Variants in TMEM94 observed in about 807,000 individuals in gnomAD.
The protein encoded by TMEM94 is ER Mg2+ ATPase.
TMEM94 carries 81 observed loss-of-function variants against 158.6 expected under a neutral mutation model. The observed-to-expected ratio is 0.51, with a 90% CI of 0.43 to 0.61. TMEM94 has a LOEUF of 0.61. Among genes scored for constraint, TMEM94 ranks in the 20% least tolerant of loss-of-function variants. The pLI is 0.00. For missense variants in TMEM94, 1,435 were observed against 1,762.0 expected (o/e 0.81, Z 3.32); for synonymous variants, 751 against 730.7 (o/e 1.03, Z -0.45).
chr17:75,495,508 C>T lies in TMEM94; in HGVS notation c.2845-36C>T, dbSNP rs1348204234. The T allele has an allele frequency of 8.1e-6, 13 of 1,601,374 alleles. No individual in the cohort carries two copies. The highest frequency in any genetic ancestry group is 1.1e-5 in the Non-Finnish European group (13 of 1,169,734). On this transcript the variant is annotated intron_variant, in intron 21 of 31. Transcript: ENST00000314256. The surrounding 1 kb of genome is among the most constrained non-coding windows in gnomAD (Gnocchi z 5.6). ...CGGTGGAGGGGAGGGATGCTGATCC[C>T]CATCCCGAAGCCGCTGGCATCTCTG...
At chr17:75,476,815 G>C in intron 2 of TMEM94, 1 of 1,530,434 alleles carries the variant, frequency 6.5e-7, no homozygotes, top group Non-Finnish European at 8.7e-7. Flanking sequence ...GGGAGTCTTC[G>C]GGTTAGCGGT....
intron 2 of TMEM94, among the ~76,000 whole-genome samples, chr17:75,474,433 G>C (rs2050601101): frequency 6.6e-6 from 1 of 152,158 alleles, no homozygotes; most frequent in South Asian, 2.1e-4. Flanking sequence ...CTAAGGTCAG[G>C]AGTTCAAGAA....
chr17:75,489,590 C>T lies in TMEM94; in HGVS notation c.882C>T (p.Ile294=), dbSNP rs182699508. ...AVPVVLAGFL[I]TNALRFIFSA... The stretch of plus-strand genomic sequence containing the variant: ...GTTCCCAACAGGCCGGCTTCCTCAT[C>T]ACCAATGCCCTGCGCTTCATCTTCA... Residue 294 remains isoleucine (I), a synonymous_variant, in exon 9 of 32, where the codon ATC becomes ATT. Coordinates refer to ENST00000314256, the MANE Select transcript of TMEM94 (RefSeq NM_014738.6). This position sits in a 1 kb window ranked among gnomAD's most constrained non-coding sequence, Gnocchi z 5.0. 4 of 1,614,064 alleles carry T rather than the reference C, an allele frequency of 2.5e-6. No homozygotes were observed. Among genetic ancestry groups the T allele is most frequent in the South Asian group, 1.1e-5 (1 of 91,082 alleles).
Position 75,485,135 on chromosome 17 carries a change from C to T in TMEM94, c.25-293C>T, listed in dbSNP as rs771764252. Among the ~76,000 whole-genome samples the T allele has an allele frequency of 1.3e-4, 19 of 151,850 alleles. No individual in the cohort carries two copies. The highest frequency in any genetic ancestry group is 9.2e-4 in the Admixed American group (14 of 15,248). On this transcript the variant is annotated intron_variant, in intron 2 of 31. Coordinates refer to ENST00000314256, the MANE Select transcript of TMEM94 (RefSeq NM_014738.6). The surrounding 1 kb of genome is among the most constrained non-coding windows in gnomAD (Gnocchi z 5.5). ...GCACAGCCTGGGTGGGCAGGGAGCT[C>T]GCCAGGGGCAGTGGGGAAAGTGAGT...
intron 1 of TMEM94, among the ~76,000 whole-genome samples, chr17:75,471,011 G>T (rs1244118512): frequency 2.0e-5 from 3 of 151,726 alleles, no homozygotes; most frequent in Non-Finnish European, 4.4e-5. Context: ...GGCTGAGGCG[G>T]GTGGATCACA....
rs756540959 is a variant in TMEM94 at position 75,498,223 on chromosome 17, A to T, written c.3538A>T (p.Ile1180Phe). The T allele has an allele frequency of 5.6e-6, 9 of 1,613,902 alleles. No individual in the cohort carries two copies. The highest frequency in any genetic ancestry group is 7.6e-6 in the Non-Finnish European group (9 of 1,180,006). The stretch of plus-strand genomic sequence containing the variant: ...CTTCCTGCTCAAGTTCAGCCTCACC[A>T]TCAGCTCCTGCCTCATCTGCTTTGG... Reference protein sequence around the residue: ...LCFLLKFSLTISSCLICFGFT... With the variant: ...LCFLLKFSLTFSSCLICFGFT... The change falls in exon 28 of 32, where the codon ATC becomes TTC. Residue 1180 changes from isoleucine to phenylalanine, a missense_variant. This residue lies in a region of TMEM94 where 335 missense variants were observed against 409.1 expected (regional missense o/e 0.82). Transcript: ENST00000314256. The surrounding 1 kb of genome is among the most constrained non-coding windows in gnomAD (Gnocchi z 6.7).
chr17:75,493,686 G>C lies in TMEM94; in HGVS notation c.2190-13G>C, dbSNP rs747952961. On this transcript the variant is annotated splice_polypyrimidine_tract_variant and intron_variant, in intron 17 of 31. Coordinates refer to ENST00000314256, the MANE Select transcript of TMEM94 (RefSeq NM_014738.6). ...AGGAACACTCACCTCACCTCCGCCT[G>C]CTTCCCTGGCAGAAAGAAAGTGCTG... The C allele has an allele frequency of 3.7e-6, 6 of 1,613,934 alleles. No individual in the cohort carries two copies. In the South Asian group the frequency reaches 6.6e-5, roughly 18 times the overall value.
At chr17:75,466,551 C>T (rs893124354) in intron 1 of TMEM94, among the ~76,000 whole-genome samples, 3 of 152,154 alleles carry the variant, frequency 2.0e-5, no homozygotes, top group Admixed American at 6.5e-5. Flanking sequence ...CATGGTGGCT[C>T]ATGCCTGTAA....
At chr17:75,469,776 C>A (rs1042499664) in intron 1 of TMEM94, among the ~76,000 whole-genome samples, 3 of 151,896 alleles carry the variant, frequency 2.0e-5, no homozygotes, top group African/African-American at 7.2e-5. Flanking sequence ...CATAGCAAGA[C>A]CCCATCTCTA....
chr17:75,490,142 A>G (rs993880173), intron 9 of TMEM94, 92 bp from the exon 10 acceptor site: 17 of 1,517,286 alleles, frequency 1.1e-5, no homozygotes, highest in Non-Finnish European at 1.4e-5. Flanking sequence ...CTTCCTGCCC[A>G]GGGAATGGCC....
Position 75,495,907 on chromosome 17 carries a change from C to A in TMEM94, c.2945-59C>A. The A allele has an allele frequency of 7.9e-7, 1 of 1,260,076 alleles. No individual in the cohort carries two copies. The highest frequency in any genetic ancestry group is 1.1e-6 in the Non-Finnish European group (1 of 869,762). 78.1% of individuals were successfully genotyped at this position (1,260,076 alleles called of 1,614,324 possible). ...GCTCTCCTGTCCCATGGGTCTCTGCCCAGTGCCCACTTGGTGCTCTGCCTG... is the reference window on the plus strand; with the variant it reads ...GCTCTCCTGTCCCATGGGTCTCTGCACAGTGCCCACTTGGTGCTCTGCCTG... On this transcript the variant is annotated intron_variant, in intron 22 of 31. Coordinates refer to ENST00000314256, the MANE Select transcript of TMEM94 (RefSeq NM_014738.6). The surrounding 1 kb of genome is among the most constrained non-coding windows in gnomAD (Gnocchi z 5.6).
rs777390018 is a variant in TMEM94 at position 75,491,073 on chromosome 17, C to T, written c.1153C>T (p.His385Tyr). ...GGAAATGCTGCGCTGCATTTGGGGC[C>T]ACTTCCTGAGGGTGCTCGGGGGGAC... ...SQEMLRCIWG[H>Y]FLRVLGGTSP... The change falls in exon 12 of 32, where the codon CAC becomes TAC. Residue 385 changes from histidine (H) to tyrosine (Y), a missense_variant. Physicochemically the swap from His to Tyr is moderately conservative, Grantham distance 83. Around this residue, in one of 3 missense-constraint regions of TMEM94, gnomAD observed 1,051 missense variants for 1,254.4 expected, o/e 0.84. Coordinates refer to ENST00000314256, the MANE Select transcript of TMEM94 (RefSeq NM_014738.6). This position sits in a 1 kb window ranked among gnomAD's most constrained non-coding sequence, Gnocchi z 5.1. 6.2e-7 allele frequency: 1 copy of T among 1,612,974 alleles called. No homozygotes were observed. Among genetic ancestry groups the T allele is most frequent in the South Asian group, 1.1e-5 (1 of 90,916 alleles).
chr17:75,463,125 T>C lies in TMEM94; in HGVS notation c.-107+6374T>C, dbSNP rs1254019493. Among the ~76,000 whole-genome samples, 13 of 5,690 alleles carry C rather than the reference T, an allele frequency of 2.3e-3. 1 individual carries two copies. The highest frequency in any genetic ancestry group is 5.4e-3 in the African/African-American group (12 of 2,208). The allele number at this position is 5,690 out of a possible 152,430, so 3.7% of individuals were successfully genotyped here. A position where few individuals can be genotyped will look rare whatever the true frequency, so the allele number is the denominator to read the frequency against. On this transcript the variant is annotated intron_variant, in intron 1 of 31. Coordinates refer to ENST00000314256, the MANE Select transcript of TMEM94 (RefSeq NM_014738.6). Reference sequence around the variant, plus strand: ...ATGTGTGTATATATATGTATATATATACGTGTATATATGTATATATATACA... The same window carrying C: ...ATGTGTGTATATATATGTATATATACACGTGTATATATGTATATATATACA...
chr17:75,484,924 G>A (rs2051463834), intron 2 of TMEM94, among the ~76,000 whole-genome samples: 1 of 151,816 alleles, frequency 6.6e-6, no homozygotes, highest in Admixed American at 6.6e-5. Context: ...TGTAATCCCA[G>A]CTACTCGGGA....
At chr17:75,463,091 C>CAA (rs2050153804) in intron 1 of TMEM94, among the ~76,000 whole-genome samples, 1 of 13,362 alleles carries the variant, frequency 7.5e-5, no homozygotes, top group Non-Finnish European at 1.2e-4. Flanking sequence ...CACACACACA[C>CAA]ACATATATAT....
chr17:75,491,364 T>C lies in TMEM94; in HGVS notation c.1295T>C (p.Val432Ala), dbSNP rs2052163955. 3 of 1,614,148 alleles carry C rather than the reference T, an allele frequency of 1.9e-6. No homozygotes were observed. The highest frequency in any genetic ancestry group is 2.5e-6 in the Non-Finnish European group (3 of 1,180,030). Residue 432 changes from valine (V) to alanine (A), a missense_variant, in exon 13 of 32, where the codon GTA (valine) becomes GCA (alanine). This residue lies in a region of TMEM94 where 1,051 missense variants were observed against 1,254.4 expected (regional missense o/e 0.84). Transcript: ENST00000314256. The surrounding 1 kb of genome is among the most constrained non-coding windows in gnomAD (Gnocchi z 5.1). ...LSWPNPSPET[V>A]LFFSGKVEPP... ...TGGCCAAATCCCAGCCCAGAGACTG[T>C]ACTGTTCTTCAGCGGGAAGGTGGAG...
In TMEM94 at chr17:75,493,531, C is replaced by CT; in HGVS notation, c.2129dup (p.Leu710PhefsTer12). On this transcript the variant is annotated frameshift_variant, in exon 17 of 32. Transcript: ENST00000314256. LOFTEE classifies it high-confidence loss of function. ...TGTCCCATGGCACCGCTGATGTGGT[C>CT]TTAGAGGCCTGCACAGACTTCTGGG... 5.0e-6 allele frequency: 8 copies of CT among 1,614,040 alleles called. No homozygotes were observed. Among genetic ancestry groups the CT allele is most frequent in the Non-Finnish European group, 6.8e-6 (8 of 1,180,022 alleles).
intron 2 of TMEM94, among the ~76,000 whole-genome samples, chr17:75,477,490 C>A (rs2050766798): frequency 6.6e-6 from 1 of 152,078 alleles, no homozygotes; most frequent in Non-Finnish European, 1.5e-5. Context: ...CTCAAGCGAT[C>A]CACCCGCCTC....
chr17:75,494,940 C>T lies in TMEM94; in HGVS notation c.2634C>T (p.His878=), dbSNP rs1421246340. Residue 878 remains histidine (H), a synonymous_variant, in exon 20 of 32, where the codon CAC becomes CAT. Transcript: ENST00000314256. ...KMGLETGWNC[H]ISLTPNGDMP... ...GCCTGGAGACAGGCTGGAACTGCCACATCTCCCTCACACCCAATGGTGACA... is the reference window on the plus strand; with the variant it reads ...GCCTGGAGACAGGCTGGAACTGCCATATCTCCCTCACACCCAATGGTGACA... 6.2e-7 allele frequency: 1 copy of T among 1,613,388 alleles called. No homozygotes were observed. The highest frequency in any genetic ancestry group is 1.3e-5 in the African/African-American group (1 of 74,938).
Sources: gnomAD v4.1 joint callset for allele counts (sites outside exome capture counted in the v4.1 genomes callset) on GRCh38, gnomAD v4.1.1 for gene constraint, gnomAD v4.1.1 regional missense constraint, Gnocchi (gnomAD v3.1) non-coding constraint, MANE v1.5 for transcripts, NCBI Gene and HGNC (gene_info 2026-07-23, HGNC 2026-07-21) for gene names.